Variants in NKAIN2 observed in about 807,000 individuals in gnomAD.
The protein encoded by NKAIN2 is sodium/potassium-transporting ATPase subunit beta-1-interacting protein 2.
A neutral mutation model predicts 32.6 loss-of-function variants in NKAIN2; 14 were observed. The ratio of observed to expected loss-of-function variants is 0.43; its 90% CI spans 0.28 to 0.67. NKAIN2 has a LOEUF of 0.67. NKAIN2 is among the 30% of genes least tolerant of loss of function. The pLI is 0.17. For missense variants in NKAIN2, 198 were observed against 258.3 expected (o/e 0.77, Z 1.60); for synonymous variants, 80 against 87.2 (o/e 0.92, Z 0.46).
At chr6:124,609,388 T>C (rs992788438) in intron 3 of NKAIN2, among the ~76,000 whole-genome samples, 16 of 151,444 alleles carry the variant, frequency 1.1e-4, no homozygotes, top group African/African-American at 3.9e-4. Flanking sequence ...AATTGTTTGA[T>C]AGGATGGTTT....
intron 4 of NKAIN2, among the ~76,000 whole-genome samples, chr6:124,765,362 A>G (rs1200112980): frequency 2.0e-5 from 3 of 152,198 alleles, no homozygotes. Context: ...CACTGCATTT[A>G]CAGAGAGACC....
At chr6:124,091,567 C>A (rs1784422339) in intron 1 of NKAIN2, among the ~76,000 whole-genome samples, 1 of 151,972 alleles carries the variant, frequency 6.6e-6, no homozygotes, top group South Asian at 2.1e-4. Context: ...TACACATTGG[C>A]TGAATGTGTG....
At position 124,759,656 on chromosome 6, in the gene NKAIN2, C is replaced by CACACACACACACACA. The variant is rs879444854; in HGVS notation, c.475-31683_475-31682insACACACACACACACA. The stretch of plus-strand genomic sequence containing the variant: ...ACACACACACACACACACACACACA[C>CACACACACACACACA]CCCCTATCTCCCTTTCCTGCCTTAT... On this transcript the variant is annotated intron_variant, in intron 4 of 6. Transcript: ENST00000368417. Among the ~76,000 whole-genome samples the CACACACACACACACA allele has an allele frequency of 1.8e-4, 12 of 66,422 alleles. 1 individual carries two copies. The highest frequency in any genetic ancestry group is 4.3e-4 in the East Asian group (1 of 2,314). The allele number at this position is 66,422 out of a possible 152,430, so 43.6% of individuals were successfully genotyped here. A position where few individuals can be genotyped will look rare whatever the true frequency, so the allele number is the denominator to read the frequency against.
intron 3 of NKAIN2, among the ~76,000 whole-genome samples, chr6:124,643,685 T>C (rs575167993): frequency 6.6e-6 from 1 of 152,346 alleles, no homozygotes; most frequent in African/African-American, 2.4e-5. Flanking sequence ...TTGATAACTC[T>C]AGGCTTATTG....
At chr6:124,497,868 C>G (rs1252881264) in intron 3 of NKAIN2, among the ~76,000 whole-genome samples, 1 of 134,720 alleles carries the variant, frequency 7.4e-6, no homozygotes, top group Non-Finnish European at 1.6e-5. Flanking sequence ...TAAAGTGATT[C>G]AAAATCTCCA....
intron 5 of NKAIN2, among the ~76,000 whole-genome samples, chr6:124,801,420 A>G (rs1016201130): frequency 6.6e-6 from 1 of 152,224 alleles, no homozygotes; most frequent in Non-Finnish European, 1.5e-5. Context: ...GGAAAGGGAC[A>G]CTCAAATTGA....
At chr6:123,856,256 C>T (rs1775550909) in intron 1 of NKAIN2, among the ~76,000 whole-genome samples, 1 of 152,094 alleles carries the variant, frequency 6.6e-6, no homozygotes. Flanking sequence ...GATCCTATAA[C>T]TCCAACATTA....
At chr6:124,185,152 C>G (rs1227167082) in intron 1 of NKAIN2, among the ~76,000 whole-genome samples, 1 of 152,050 alleles carries the variant, frequency 6.6e-6, no homozygotes, top group Admixed American at 6.6e-5. Context: ...CATAGCAATT[C>G]TACTATATTT....
chr6:124,102,721 T>C (rs752845465), intron 1 of NKAIN2, among the ~76,000 whole-genome samples: 1 of 152,208 alleles, frequency 6.6e-6, no homozygotes, highest in Non-Finnish European at 1.5e-5. Context: ...CCACATCACA[T>C]TGATTTTTTC....
chr6:124,353,684 G>A (rs1423313947), intron 2 of NKAIN2, among the ~76,000 whole-genome samples: 2 of 152,084 alleles, frequency 1.3e-5, no homozygotes, highest in Non-Finnish European at 2.9e-5. Flanking sequence ...GAACCTGGGA[G>A]GAGGAGCTCT....
At chr6:124,452,562 T>A (rs1453683862) in intron 3 of NKAIN2, among the ~76,000 whole-genome samples, 1 of 152,070 alleles carries the variant, frequency 6.6e-6, no homozygotes, top group Non-Finnish European at 1.5e-5. Context: ...GAGTATGAAA[T>A]AAAAATAAAC....
intron 1 of NKAIN2, among the ~76,000 whole-genome samples, chr6:123,877,895 A>G (rs374232135): frequency 1.2e-4 from 18 of 152,126 alleles, no homozygotes; most frequent in African/African-American, 3.9e-4. Flanking sequence ...TTTCTTTGTG[A>G]TTTGTTCAAT....
intron 1 of NKAIN2, among the ~76,000 whole-genome samples, chr6:124,090,497 G>A (rs1028179744): frequency 3.3e-5 from 5 of 151,974 alleles, no homozygotes; most frequent in African/African-American, 1.2e-4. Flanking sequence ...TCTGGGTAGT[G>A]AGAAAATTGT....
chr6:123,927,656 C>T (rs1424321106), intron 1 of NKAIN2, among the ~76,000 whole-genome samples: 2 of 152,130 alleles, frequency 1.3e-5, no homozygotes, highest in Non-Finnish European at 2.9e-5. Flanking sequence ...CCCAAACAGT[C>T]CTATACAGGG....
At chr6:124,094,906 A>G (rs1784587240) in intron 1 of NKAIN2, among the ~76,000 whole-genome samples, 1 of 152,162 alleles carries the variant, frequency 6.6e-6, no homozygotes, top group African/African-American at 2.4e-5. Flanking sequence ...TTCACTTTTC[A>G]TTATATATAG....
Position 124,557,160 on chromosome 6 carries a change from A to G in NKAIN2, c.274-101026A>G, listed in dbSNP as rs187270585. Among the ~76,000 whole-genome samples the G allele has an allele frequency of 5.9e-5, 9 of 152,322 alleles. No homozygotes were observed. In the East Asian group the frequency reaches 1.7e-3, roughly 29 times the overall value. The stretch of plus-strand genomic sequence containing the variant: ...ACATTAACATAGGCAAATATTGATG[A>G]TTGTTATTATGATATTATAGATTGT... On this transcript the variant is annotated intron_variant, in intron 3 of 6. Transcript: ENST00000368417.
intron 1 of NKAIN2, among the ~76,000 whole-genome samples, chr6:124,077,304 T>A (rs939775005): frequency 6.6e-6 from 1 of 152,244 alleles, no homozygotes; most frequent in Non-Finnish European, 1.5e-5. Flanking sequence ...CTAATTTTCA[T>A]ACATGTATTT....
At chr6:124,442,567 G>A (rs1460658964) in intron 3 of NKAIN2, among the ~76,000 whole-genome samples, 1 of 152,034 alleles carries the variant, frequency 6.6e-6, no homozygotes, top group Non-Finnish European at 1.5e-5. Context: ...CCCCTGGTCT[G>A]GCTTATGCCC....
intron 3 of NKAIN2, among the ~76,000 whole-genome samples, chr6:124,394,903 A>T (rs1167724124): frequency 2.0e-5 from 3 of 152,042 alleles, no homozygotes; most frequent in Non-Finnish European, 4.4e-5. Flanking sequence ...CCCCCAGAAG[A>T]TTGTGCTTCA....
Sources: gnomAD v4.1 joint callset for allele counts (sites outside exome capture counted in the v4.1 genomes callset) on GRCh38, gnomAD v4.1.1 for gene constraint, MANE v1.5 for transcripts, NCBI Gene and HGNC (gene_info 2026-07-23, HGNC 2026-07-21) for gene names.